The following NEDD4L variants were observed in gnomAD, a reference collection of about 807,000 sequenced individuals.
The protein encoded by NEDD4L is E3 ubiquitin-protein ligase NEDD4-like.
NEDD4L carries 54 observed loss-of-function variants against 148.9 expected under a neutral mutation model. That is an observed-to-expected ratio of 0.36 (90% confidence interval 0.29 to 0.45). NEDD4L has a LOEUF of 0.45. Ranked by LOEUF, NEDD4L falls within the 20% of genes least tolerant of loss-of-function variation. The probability of loss-of-function intolerance (pLI) is 1.00; values close to 1 mark genes in which losing one functional copy is unlikely to be tolerated. For synonymous variants in NEDD4L, 433 were observed against 440.7 expected (o/e 0.98, Z 0.22); for missense variants, 856 against 1,233.8 (o/e 0.69, Z 4.59).
intron 13 of NEDD4L, among the ~76,000 whole-genome samples, chr18:58,339,748 G>A (rs2145100634): frequency 6.6e-6 from 1 of 152,112 alleles, no homozygotes; most frequent in East Asian, 1.9e-4. Context: ...TCTGTGGATG[G>A]GGTTTTCAAA....
intron 1 of NEDD4L, among the ~76,000 whole-genome samples, chr18:58,105,834 A>G (rs1233003440): frequency 1.3e-5 from 2 of 152,184 alleles, no homozygotes; most frequent in East Asian, 3.8e-4. Context: ...AAGAATACGA[A>G]AGCCAGCCCG....
intron 13 of NEDD4L, among the ~76,000 whole-genome samples, chr18:58,336,432 C>A (rs1319476091): frequency 6.6e-6 from 1 of 152,018 alleles, no homozygotes; most frequent in Admixed American, 6.5e-5. Flanking sequence ...AAAAAATTAG[C>A]CGGGCGTGGT....
chr18:58,114,632 C>T (rs1000524326), intron 1 of NEDD4L, among the ~76,000 whole-genome samples: 5 of 151,854 alleles, frequency 3.3e-5, no homozygotes, highest in South Asian at 2.1e-4. Context: ...GACCGCAGAG[C>T]GGTGGCTGCA....
At chr18:58,364,470 A>G (rs2045875591) in intron 20 of NEDD4L, 137 bp downstream of exon 20, 2 of 597,076 alleles carry the variant, frequency 3.3e-6, no homozygotes, top group Middle Eastern at 3.1e-4. Context: ...CTGCACTTTG[A>G]TCCTCCTGGT....
At chr18:58,065,126 C>T (rs558611140) in intron 1 of NEDD4L, among the ~76,000 whole-genome samples, 1 of 152,198 alleles carries the variant, frequency 6.6e-6, no homozygotes, top group African/African-American at 2.4e-5. Context: ...ACATCTTGTG[C>T]ATTTCTTGCT....
At chr18:58,181,200 CTTTTCTGTTAGAGAA>C (rs1326146043) in intron 2 of NEDD4L, among the ~76,000 whole-genome samples, 3 of 152,032 alleles carry the variant, frequency 2.0e-5, no homozygotes, top group Non-Finnish European at 2.9e-5. Flanking sequence ...TTATTTCTTT[CTTTTCTGTTAGAGAA>C]TTTCTTAAAC....
chr18:58,363,827 TC>T (rs763943440), intron 19 of NEDD4L, among the ~76,000 whole-genome samples: 83 of 152,310 alleles, frequency 5.4e-4, no homozygotes, highest in African/African-American at 1.9e-3. Flanking sequence ...TCGTTGTATT[TC>T]CCCACAAAAA....
intron 1 of NEDD4L, among the ~76,000 whole-genome samples, chr18:58,082,102 A>ATATATATATATTTTTTTTT: frequency 2.0e-4 from 10 of 48,832 alleles, no homozygotes; most frequent in East Asian, 6.1e-4. Context: ...ATATATATAT[A>ATATATATATATTTTTTTTT]TTTTTTTTTT....
At chr18:58,183,995 C>T (rs2039150534) in intron 2 of NEDD4L, among the ~76,000 whole-genome samples, 1 of 152,122 alleles carries the variant, frequency 6.6e-6, no homozygotes, top group Non-Finnish European at 1.5e-5. Flanking sequence ...TGGTGAAACC[C>T]CGTCTCTACT....
intron 5 of NEDD4L, among the ~76,000 whole-genome samples, chr18:58,285,102 A>G (rs1403742672): frequency 6.6e-6 from 1 of 152,218 alleles, no homozygotes; most frequent in Admixed American, 6.5e-5. Flanking sequence ...CTGCCAGAGA[A>G]GAAGAGGTGC....
intron 1 of NEDD4L, among the ~76,000 whole-genome samples, chr18:58,048,733 A>G (rs1192892820): frequency 6.6e-6 from 1 of 152,132 alleles, no homozygotes; most frequent in Non-Finnish European, 1.5e-5. Flanking sequence ...TGGAAATTTC[A>G]TGAAAATGGT....
At chr18:58,371,186 G>A (rs1190070966) in intron 23 of NEDD4L, among the ~76,000 whole-genome samples, 3 of 147,114 alleles carry the variant, frequency 2.0e-5, no homozygotes, top group Non-Finnish European at 3.0e-5. Flanking sequence ...ACAGGCACAC[G>A]CCACCATGCC....
At chr18:58,263,152 G>C (rs1230171516) in intron 5 of NEDD4L, among the ~76,000 whole-genome samples, 1 of 152,104 alleles carries the variant, frequency 6.6e-6, no homozygotes, top group Non-Finnish European at 1.5e-5. Flanking sequence ...CTTTGTATTG[G>C]TTCCCTTAAG....
At chr18:58,367,618 A>G (rs2046295027) in intron 21 of NEDD4L, 128 bp from the exon 22 acceptor site, 30 of 971,226 alleles carry the variant, frequency 3.1e-5, no homozygotes, top group Non-Finnish European at 4.5e-5. Flanking sequence ...TCTAGCCCAC[A>G]CATTTTCCCA....
At chr18:58,324,692 T>G (rs1048940918) in intron 8 of NEDD4L, among the ~76,000 whole-genome samples, 11 of 152,258 alleles carry the variant, frequency 7.2e-5, no homozygotes, top group Admixed American at 6.5e-4. Context: ...AAGAGTATGA[T>G]GTGACTTAAG....
At chr18:58,394,540 C>T (rs1226291848) in intron 30 of NEDD4L, among the ~76,000 whole-genome samples, 2 of 152,194 alleles carry the variant, frequency 1.3e-5, no homozygotes, top group African/African-American at 4.8e-5. Flanking sequence ...TTTTAAATGC[C>T]ATCTGTAGAT....
chr18:58,363,350 A>G (rs928777107), intron 19 of NEDD4L, among the ~76,000 whole-genome samples: 5 of 152,222 alleles, frequency 3.3e-5, no homozygotes, highest in African/African-American at 1.2e-4. Context: ...CAGCAGAAGT[A>G]TTCTCTGCTG....
At chr18:58,230,847 C>T (rs1334084734) in intron 2 of NEDD4L, among the ~76,000 whole-genome samples, 2 of 152,120 alleles carry the variant, frequency 1.3e-5, no homozygotes, top group Non-Finnish European at 2.9e-5. Flanking sequence ...ATTGAAGGCC[C>T]GTTTTGTACA....
At chr18:58,163,219 T>A (rs2036445057) in intron 1 of NEDD4L, among the ~76,000 whole-genome samples, 1 of 152,146 alleles carries the variant, frequency 6.6e-6, no homozygotes, top group Non-Finnish European at 1.5e-5. Flanking sequence ...TAAGTGGTAC[T>A]ATAGGTACTT....
Sources: allele counts gnomAD v4.1 joint callset (sites outside exome capture counted in the v4.1 genomes callset), GRCh38; gene constraint gnomAD v4.1.1; transcripts MANE v1.5; gene names NCBI Gene and HGNC (gene_info 2026-07-23, HGNC 2026-07-21).